FGF13: variants seen among roughly 807,000 people sequenced by gnomAD.
FGF13 encodes the protein fibroblast growth factor 13.
Under a neutral mutation model 19.5 loss-of-function variants are expected in FGF13, and 2 were observed. The ratio of observed to expected loss-of-function variants is 0.10; its 90% CI spans 0.04 to 0.32. FGF13 has a LOEUF of 0.32. Ranked by LOEUF, FGF13 falls within the 10% of genes least tolerant of loss-of-function variation. The pLI is 1.00. For missense variants in FGF13, 113 were observed against 192.7 expected, an observed-to-expected ratio of 0.59 and a Z score of 2.45; for synonymous variants, 72 against 76.9, an observed-to-expected ratio of 0.94 and a Z score of 0.33.
rs2090043159 is a variant in FGF13, at chrX:138,711,227, G to A, written c.-224C>T. The stretch of plus-strand genomic sequence containing the variant: ...GGTCCGGCTCCCGCGCGGGCTGCTG[G>A]CTGCCTGGGTCGGAGTCGACGCCAC... On this transcript the variant is annotated 5_prime_UTR_variant, in exon 1 of 5. Transcript: ENST00000315930. 2.9e-6 allele frequency: 3 copies of A among 1,046,161 alleles called. No individual in the cohort carries two copies. The African/African-American group carries it at 6.1e-5, about 21-fold the overall frequency. 86.2% of individuals were successfully genotyped at this position (1,046,161 alleles called of 1,213,427 possible). A position where few individuals can be genotyped will look rare whatever the true frequency, so the allele number is the denominator to read the frequency against.
At chrX:139,110,046 G>T (rs1421979956) in intron 1 of FGF13, among the ~76,000 whole-genome samples, 3 of 111,069 alleles carry the variant, frequency 2.7e-5, no homozygotes, top group Non-Finnish European at 3.8e-5. Context: ...ATTTCTCTGT[G>T]CCTCAGTTTC....
intron 1 of FGF13, among the ~76,000 whole-genome samples, chrX:138,966,936 C>A (rs775384298): frequency 2.7e-5 from 3 of 111,417 alleles, no homozygotes; most frequent in Non-Finnish European, 5.7e-5. Flanking sequence ...TAAGGGGCTT[C>A]CCCCTTTGCT....
intron 3 of FGF13, among the ~76,000 whole-genome samples, chrX:138,648,732 G>C (rs2089333904): frequency 8.9e-6 from 1 of 111,743 alleles, no homozygotes; most frequent in African/African-American, 3.3e-5. Flanking sequence ...ACTTGTGCAA[G>C]GCTGCCACTA....
At chrX:138,644,468 C>CG (rs781595538) in intron 3 of FGF13, among the ~76,000 whole-genome samples, 1 of 110,013 alleles carries the variant, frequency 9.1e-6, no homozygotes, top group East Asian at 2.9e-4. Flanking sequence ...TTAGTAGAGA[C>CG]GGGGTTTTAC....
intron 3 of FGF13, among the ~76,000 whole-genome samples, chrX:138,809,075 A>G (rs1359389235): frequency 8.9e-6 from 1 of 112,023 alleles, no homozygotes; most frequent in Admixed American, 9.5e-5. Context: ...AAAAGAGGGA[A>G]TCCTCCCTAA....
rs143749277 is a variant in FGF13 at position 139,146,885 on chromosome X, C to T, written c.-113+56531G>A. On this transcript the variant is annotated intron_variant, in intron 1 of 2. Transcript: ENST00000421460. ...ATCTCAAGGACAGAAAACTAAACAC[C>T]GCATGTTCTCACTCATAGGTGGGAA... Among the ~76,000 whole-genome samples the T allele has an allele frequency of 4.8e-3, 525 of 108,463 alleles. 4 individuals carry two copies. The highest frequency in any genetic ancestry group is 0.017 in the African/African-American group (500 of 29,649). The allele number at this position is 108,463 out of a possible 115,157, so 94.2% of individuals were successfully genotyped here. A position where few individuals can be genotyped will look rare whatever the true frequency, so the allele number is the denominator to read the frequency against.
At chrX:138,870,534 C>T (rs1483995201) in intron 1 of FGF13, among the ~76,000 whole-genome samples, 1 of 112,194 alleles carries the variant, frequency 8.9e-6, no homozygotes, top group Non-Finnish European at 1.9e-5. Flanking sequence ...CAAAAATGCC[C>T]ATGTCCTAAA....
intron 3 of FGF13, among the ~76,000 whole-genome samples, chrX:138,845,416 A>G (rs1192505737): frequency 8.9e-6 from 1 of 112,123 alleles, no homozygotes; most frequent in Non-Finnish European, 1.9e-5. Flanking sequence ...ATGGCCGTTG[A>G]ACACAGAATA....
intron 1 of FGF13, among the ~76,000 whole-genome samples, chrX:138,889,350 A>T (rs763722843): frequency 1.1e-4 from 12 of 112,308 alleles, no homozygotes; most frequent in Non-Finnish European, 2.3e-4. Context: ...AAAAGGAAAT[A>T]AGGCAAACAT....
intron 1 of FGF13, among the ~76,000 whole-genome samples, chrX:138,923,284 G>C (rs1445107514): frequency 8.9e-6 from 1 of 111,774 alleles, no homozygotes; most frequent in Non-Finnish European, 1.9e-5. Context: ...GGCCCATCTA[G>C]GGCAATAAGG....
At chrX:138,737,796 G>C (rs768997998) in intron 1 of FGF13, among the ~76,000 whole-genome samples, 5 of 112,156 alleles carry the variant, frequency 4.5e-5, no homozygotes, top group Non-Finnish European at 9.4e-5. Flanking sequence ...TGTATCCTGA[G>C]TAAAGAGGCA....
At chrX:138,739,298 C>T in exon 1 of FGF13, 1 of 1,195,848 alleles carries the variant, frequency 8.4e-7, no homozygotes, top group African/African-American at 1.7e-5. Context: ...CCTACCCAGA[C>T]AATTGCTGTC....
rs1569422680 is a variant in FGF13, at chrX:138,913,678, AAGGAAGGAAG to A, written c.-112-49038_-112-49029del. Among the ~76,000 whole-genome samples, 40 of 103,710 alleles carry A rather than the reference AAGGAAGGAAG, an allele frequency of 3.9e-4. 1 individual carries two copies. Among genetic ancestry groups the A allele is most frequent in the Non-Finnish European group, 3.0e-4 (15 of 50,268 alleles). 90.1% of individuals were successfully genotyped at this position (103,710 alleles called of 115,157 possible). A position where few individuals can be genotyped will look rare whatever the true frequency, so the allele number is the denominator to read the frequency against. ...GAAGGAAGGAAGGAAGGAAGGAAGG[AAGGAAGGAAG>A]GAAGGAAGGAAGGAAGGAAAGAAAA... On this transcript the variant is annotated intron_variant, in intron 1 of 2. Transcript: ENST00000421460.
chrX:138,655,426 C>T (rs752115229), intron 3 of FGF13, among the ~76,000 whole-genome samples: 9 of 111,743 alleles, frequency 8.1e-5, no homozygotes, highest in Admixed American at 4.7e-4. Context: ...GCTATCTTGA[C>T]GATGGTAGAA....
chrX:139,007,121 T>C (rs1345001058), intron 1 of FGF13, among the ~76,000 whole-genome samples: 1 of 110,268 alleles, frequency 9.1e-6, no homozygotes, highest in African/African-American at 3.3e-5. Context: ...CCTATAGAAA[T>C]ACACATAGAC....
intron 1 of FGF13, among the ~76,000 whole-genome samples, chrX:139,039,775 C>T (rs1194174075): frequency 9.0e-6 from 1 of 110,965 alleles, no homozygotes; most frequent in Admixed American, 9.6e-5. Flanking sequence ...TGTCACATAG[C>T]AGGCATTCTA....
At chrX:138,713,684 TCTCA>T (rs1465473671), upstream of FGF13, among the ~76,000 whole-genome samples, 1 of 111,714 alleles carries the variant, frequency 9.0e-6, no homozygotes, top group Non-Finnish European at 1.9e-5. Flanking sequence ...CTCAGATAGC[TCTCA>T]CTGTTTGCTT....
intron 3 of FGF13, among the ~76,000 whole-genome samples, chrX:138,759,882 T>C (rs1264516883): frequency 8.9e-6 from 1 of 111,824 alleles, no homozygotes; most frequent in East Asian, 2.8e-4. Flanking sequence ...CTGTTAATAG[T>C]GAAGGTCAAG....
In FGF13 at chrX:139,015,598, T is replaced by G. The variant is rs771546253; in HGVS notation, c.-112-150948A>C. Among the ~76,000 whole-genome samples, 21 of 111,238 alleles carry G rather than the reference T, an allele frequency of 1.9e-4. 1 individual carries two copies. The highest frequency in any genetic ancestry group is 4.0e-4 in the Non-Finnish European group (21 of 52,907). ...TGTAAAGATATTCCATGTACATGGA[T>G]TAGAAGAATCAATATTGTTAAAATG... On this transcript the variant is annotated intron_variant, in intron 1 of 2. Transcript: ENST00000421460.
Sources: allele counts gnomAD v4.1 joint callset (sites outside exome capture counted in the v4.1 genomes callset), GRCh38; gene constraint gnomAD v4.1.1; transcripts MANE v1.5; gene names NCBI Gene and HGNC (gene_info 2026-07-23, HGNC 2026-07-21).